Variants in SCLT1 observed in about 807,000 individuals in gnomAD.
SCLT1 encodes sodium channel and clathrin linker 1.
SCLT1 carries 78 observed loss-of-function variants against 112.8 expected under a neutral mutation model. The observed-to-expected ratio is 0.69, with a 90% confidence interval of 0.58 to 0.83. SCLT1 has a LOEUF of 0.83. SCLT1 is among the 40% of genes least tolerant of loss of function. The probability of loss-of-function intolerance (pLI) is 0.00; values close to 1 mark genes in which losing one functional copy is unlikely to be tolerated. For missense variants in SCLT1, 747 were observed against 770.4 expected (o/e 0.97, Z 0.36); for synonymous variants, 257 against 254.7 (o/e 1.01, Z -0.09).
intron 14 of SCLT1, among the ~76,000 whole-genome samples, chr4:128,950,645 T>A: frequency 6.6e-6 from 1 of 151,996 alleles, no homozygotes; most frequent in Non-Finnish European, 1.5e-5. Context: ...ACCAACCATA[T>A]AGACCATGAT....
At chr4:128,925,515 G>C (rs1736226053) in intron 18 of SCLT1, among the ~76,000 whole-genome samples, 2 of 151,914 alleles carry the variant, frequency 1.3e-5, no homozygotes, top group Non-Finnish European at 1.5e-5. Flanking sequence ...GCAGAGATGG[G>C]GTTTCACCAT....
chr4:129,021,248 C>T (rs1282322761), intron 5 of SCLT1, among the ~76,000 whole-genome samples: 5 of 152,170 alleles, frequency 3.3e-5, no homozygotes, highest in Admixed American at 1.3e-4. Flanking sequence ...GAGATTCCCC[C>T]GTGTGCCTAA....
At chr4:128,894,421 A>ATG (rs1325082899) in intron 18 of SCLT1, among the ~76,000 whole-genome samples, 5 of 149,474 alleles carry the variant, frequency 3.3e-5, no homozygotes, top group African/African-American at 7.4e-5. Context: ...CACAGAGTAT[A>ATG]TGTGTGTGTG....
At chr4:128,969,656 A>G (rs1201196535) in intron 10 of SCLT1, among the ~76,000 whole-genome samples, 1 of 152,146 alleles carries the variant, frequency 6.6e-6, no homozygotes, top group Non-Finnish European at 1.5e-5. Flanking sequence ...AGCCCATACA[A>G]AGGTGTTTTC....
At chr4:128,910,839 A>AT (rs1348566148) in intron 18 of SCLT1, among the ~76,000 whole-genome samples, 7 of 151,216 alleles carry the variant, frequency 4.6e-5, no homozygotes, top group South Asian at 2.1e-4. Context: ...CTGATTTTAT[A>AT]TTTTTTTTTC....
chr4:128,941,095 C>G (rs1737656278), intron 17 of SCLT1, among the ~76,000 whole-genome samples: 2 of 151,832 alleles, frequency 1.3e-5, no homozygotes, highest in Admixed American at 6.6e-5. Context: ...TTTAAAAGCT[C>G]TTTAGATAAA....
chr4:128,975,584 T>C (rs942315999), intron 9 of SCLT1, among the ~76,000 whole-genome samples: 1 of 152,210 alleles, frequency 6.6e-6, no homozygotes, highest in Non-Finnish European at 1.5e-5. Flanking sequence ...CTTTTTTGCA[T>C]ACAGTGAAAA....
At position 129,093,436 on chromosome 4, in the gene SCLT1, G is replaced by C. The variant is rs1753034766; in HGVS notation, c.-333C>G. 6.7e-6 allele frequency: 2 copies of C among 299,390 alleles called. No homozygotes were observed. The highest frequency in any genetic ancestry group is 1.2e-5 in the Non-Finnish European group (2 of 161,102). 18.5% of individuals were successfully genotyped at this position (299,390 alleles called of 1,614,324 possible). A position where few individuals can be genotyped will look rare whatever the true frequency, so the allele number is the denominator to read the frequency against. On this transcript the variant is annotated 5_prime_UTR_variant, in exon 1 of 21. Coordinates refer to ENST00000281142, the MANE Select transcript of SCLT1 (RefSeq NM_144643.4). ...GTCGGGCCACCTAGGAGAGTGCCGC[G>C]GGAGCTTGACGGCAGCCTGAGAGCG...
At chr4:129,028,575 T>G (rs1231770537) in intron 5 of SCLT1, among the ~76,000 whole-genome samples, 1 of 152,130 alleles carries the variant, frequency 6.6e-6, no homozygotes, top group Non-Finnish European at 1.5e-5. Context: ...ATAAAAACCC[T>G]AGAAGAAAAC....
intron 8 of SCLT1, among the ~76,000 whole-genome samples, chr4:128,992,678 C>CA (rs1560937534): frequency 6.6e-6 from 1 of 151,964 alleles, no homozygotes; most frequent in Non-Finnish European, 1.5e-5. Context: ...TTTAGTTACT[C>CA]ACAGTGTTAA....
At chr4:128,899,356 C>T (rs1043250922) in intron 18 of SCLT1, among the ~76,000 whole-genome samples, 1 of 152,096 alleles carries the variant, frequency 6.6e-6, no homozygotes, top group Non-Finnish European at 1.5e-5. Flanking sequence ...CCTGGGATGC[C>T]AGGCTGGTTC....
chr4:129,000,015 G>C (rs280604), intron 6 of SCLT1, among the ~76,000 whole-genome samples: 1 of 151,642 alleles, frequency 6.6e-6, no homozygotes, highest in Non-Finnish European at 1.5e-5. Flanking sequence ...TGAAATTGTG[G>C]TTTTACTCAG....
intron 18 of SCLT1, among the ~76,000 whole-genome samples, chr4:128,920,387 G>A (rs1327275490): frequency 6.6e-6 from 1 of 152,164 alleles, no homozygotes; most frequent in Non-Finnish European, 1.5e-5. Flanking sequence ...GGCCTCCCAG[G>A]TTCAAATGAT....
intron 5 of SCLT1, 70 bp from the exon 6 acceptor site, chr4:129,003,946 A>G (rs1355537638): frequency 6.9e-5 from 97 of 1,404,600 alleles, no homozygotes; most frequent in South Asian, 2.5e-4. Flanking sequence ...TTCGAGGTCA[A>G]TTAAACATTT....
intron 2 of SCLT1, among the ~76,000 whole-genome samples, chr4:129,059,283 T>G (rs1749735800): frequency 6.6e-6 from 1 of 152,176 alleles, no homozygotes; most frequent in African/African-American, 2.4e-5. Context: ...AGATTCATGG[T>G]TATTATTGCC....
At chr4:129,068,236 C>T (rs1027994216) in intron 2 of SCLT1, among the ~76,000 whole-genome samples, 5 of 151,962 alleles carry the variant, frequency 3.3e-5, no homozygotes, top group Non-Finnish European at 7.4e-5. Flanking sequence ...GTGTATATAT[C>T]AGTAGTAGGA....
At chr4:129,029,097 A>G (rs1321998790) in intron 5 of SCLT1, among the ~76,000 whole-genome samples, 2 of 152,258 alleles carry the variant, frequency 1.3e-5, no homozygotes, top group East Asian at 3.9e-4. Context: ...AAGTAGTTCA[A>G]CCCTTGTGGA....
intron 18 of SCLT1, among the ~76,000 whole-genome samples, chr4:128,907,836 A>C (rs1438657029): frequency 6.6e-6 from 1 of 152,200 alleles, no homozygotes; most frequent in Non-Finnish European, 1.5e-5. Flanking sequence ...GAGTATGAGC[A>C]AGGTTTTCCC....
Position 128,934,109 on chromosome 4 carries a change from A to C in SCLT1, c.1829+2546T>G, listed in dbSNP as rs528947042. On this transcript the variant is annotated intron_variant, in intron 18 of 20. Coordinates refer to ENST00000281142, the MANE Select transcript of SCLT1 (RefSeq NM_144643.4). ...TCAAAAAATAATTATATAAACATTT[A>C]TATAGTTCCAAAATTAAGCTTATAA... Among the ~76,000 whole-genome samples, 91 of 152,078 alleles carry C rather than the reference A, an allele frequency of 6.0e-4. No homozygotes were observed. The Middle Eastern group carries it at 0.024, about 40-fold the overall frequency.
Sources: gnomAD v4.1 joint callset for allele counts (sites outside exome capture counted in the v4.1 genomes callset) on GRCh38, gnomAD v4.1.1 for gene constraint, MANE v1.5 for transcripts, NCBI Gene and HGNC (gene_info 2026-07-23, HGNC 2026-07-21) for gene names.